ABCA4: variants seen among roughly 807,000 people sequenced by gnomAD.
ABCA4 encodes ATP binding cassette subfamily A member 4, also known as retinal-specific phospholipid-transporting ATPase ABCA4.
In ABCA4, 196 loss-of-function variants were observed where a neutral mutation model predicts 263.7. The observed-to-expected ratio is 0.74, with a 90% CI of 0.66 to 0.84. The LOEUF (loss-of-function observed/expected upper bound fraction) is 0.84. ABCA4 is among the 40% of genes least tolerant of loss of function. The pLI, the probability that ABCA4 is intolerant of heterozygous loss-of-function variation, is 0.00. For missense variants in ABCA4, 2,792 were observed against 2,855.1 expected (o/e 0.98, Z 0.50); for synonymous variants, 1,133 against 1,094.2 (o/e 1.04, Z -0.70).
chr1:94,030,923 G>A, intron 28 of ABCA4, 73 bp downstream of exon 28: 2 of 1,600,996 alleles, frequency 1.2e-6, no homozygotes, highest in African/African-American at 1.3e-5. Flanking sequence ...GGAAGGTCAG[G>A]GCCCTTCTAA....
Position 94,103,061 on chromosome 1 carries a change from TCAGA to T in ABCA4, c.520_523del (p.Ser174ThrfsTer7), listed in dbSNP as rs1662327245. The T allele has an allele frequency of 6.2e-7, 1 of 1,613,960 alleles. No homozygotes were observed. Among genetic ancestry groups the T allele is most frequent in the South Asian group, 1.1e-5 (1 of 91,074 alleles). Reference sequence around the variant, plus strand: ...GTTGATCAGAAGGTAGACCACTGAGTCAGACAGGCCGATGTTTTTAATGAGAAAT... The same window carrying T: ...GTTGATCAGAAGGTAGACCACTGAGTCAGGCCGATGTTTTTAATGAGAAAT... On this transcript the variant is annotated frameshift_variant, in exon 5 of 50. Transcript: ENST00000370225. LOFTEE classifies it high-confidence loss of function.
rs191796064 is a variant in ABCA4 at position 94,098,323 on chromosome 1, G to A, written c.768+471C>T. 2.6e-3 allele frequency among the ~76,000 whole-genome samples: 402 copies of A among 152,268 alleles called. 4 individuals carry two copies. Among genetic ancestry groups the A allele is most frequent in the African/African-American group, 9.3e-3 (385 of 41,548 alleles). On this transcript the variant is annotated intron_variant, in intron 6 of 49. Transcript: ENST00000370225. ...CCATTTCCAGAGGAAGAAGCATGGG[G>A]CCATCATTTATTAAAATTTATGAAA...
chr1:94,109,120 T>C (rs183598649), intron 3 of ABCA4, among the ~76,000 whole-genome samples: 485 of 152,356 alleles, frequency 3.2e-3, no homozygotes, highest in Non-Finnish European at 5.1e-3. Flanking sequence ...AGCTACTACA[T>C]TGAGTATCCT....
In ABCA4 at chr1:94,046,436, T is replaced by A. The variant is rs564648478; in HGVS notation, c.2918+483A>T. Among the ~76,000 whole-genome samples the A allele has an allele frequency of 9.9e-4, 43 of 43,414 alleles. 4 individuals are homozygous for A. Among genetic ancestry groups the A allele is most frequent in the South Asian group, 6.7e-3 (9 of 1,352 alleles). 28.5% of individuals were successfully genotyped at this position (43,414 alleles called of 152,430 possible). On this transcript the variant is annotated intron_variant, in intron 19 of 49. Transcript: ENST00000370225. ...AAGATCGCACCACTGCCCTCCAGCATGGGTAATGGTTACTATCTCAAAAAA... is the reference window on the plus strand; with the variant it reads ...AAGATCGCACCACTGCCCTCCAGCAAGGGTAATGGTTACTATCTCAAAAAA...
chr1:94,000,877 G>A lies in ABCA4; in HGVS notation c.6438C>T (p.Gly2146=), dbSNP rs755121378. The part of the protein sequence containing the change: ...LCTRLAIMVK[G]AFRCMGTIQH... ...GAATGGTGCCCATACATCGAAAGGC[G>A]CCCTTTACCATGATGGCCAGCCGGG... Residue 2146 remains glycine (G), a synonymous_variant, in exon 47 of 50, where the codon GGC becomes GGT. Coordinates refer to ENST00000370225, the MANE Select transcript of ABCA4 (RefSeq NM_000350.3). The A allele has an allele frequency of 1.2e-5, 19 of 1,614,080 alleles. No homozygotes were observed. The African/African-American group carries it at 1.5e-4, about 12-fold the overall frequency.
chr1:94,078,644 T>C lies in ABCA4; in HGVS notation c.1302A>G (p.Val434=), dbSNP rs1661602435. 2.8e-6 allele frequency: 4 copies of C among 1,406,222 alleles called. No individual in the cohort carries two copies. The highest frequency in any genetic ancestry group is 3.8e-6 in the Non-Finnish European group (4 of 1,055,812). The allele number at this position is 1,406,222 out of a possible 1,614,324, so 87.1% of individuals were successfully genotyped here. A position where few individuals can be genotyped will look rare whatever the true frequency, so the allele number is the denominator to read the frequency against. Residue 434 remains valine, a synonymous_variant, in exon 10 of 50, where the codon GTA becomes GTG. Transcript: ENST00000370225. ...VRKLVKAWEE[V]GPQIWYFFDN... is the part of the protein sequence containing the mutation. Reference sequence around the variant, plus strand: ...CAAAGAAGTACCAGATCTGGGGCCCTACTTCTTCCCAGGCTTTGACCAACT... The same window carrying C: ...CAAAGAAGTACCAGATCTGGGGCCCCACTTCTTCCCAGGCTTTGACCAACT...
Position 94,103,207 on chromosome 1 carries a change from C to T in ABCA4, c.443-65G>A, listed in dbSNP as rs534918436. The T allele has an allele frequency of 3.8e-6, 6 of 1,586,060 alleles. No homozygotes were observed. In the African/African-American group the frequency reaches 8.1e-5, roughly 21 times the overall value. Reference sequence around the variant, plus strand: ...AAATGGGTCAAAAAAAGGAAAACAGCCAGAGTCGATTGGAAACACTTGTAA... The same window carrying T: ...AAATGGGTCAAAAAAAGGAAAACAGTCAGAGTCGATTGGAAACACTTGTAA... On this transcript the variant is annotated intron_variant, in intron 4 of 49. Coordinates refer to ENST00000370225, the MANE Select transcript of ABCA4 (RefSeq NM_000350.3).
chr1:94,008,929 C>T, intron 40 of ABCA4, 58 bp from the exon 41 acceptor site: 2 of 1,600,418 alleles, frequency 1.2e-6, no homozygotes, highest in Non-Finnish European at 1.7e-6. Flanking sequence ...TGGCACTGTC[C>T]TTTCCATGGG....
Position 94,021,919 on chromosome 1 carries a change from G to C in ABCA4, c.4700C>G (p.Pro1567Arg), listed in dbSNP as rs752150372. Reference protein sequence around the residue: ...YGGISIGGKLPVVPITGEALV... With the variant: ...YGGISIGGKLRVVPITGEALV... ...TGCTTCCCCCGTGATGGGGACGACT[G>C]GGAGCTTTCCTCCAATGGAAATTCC... Residue 1567 changes from proline (P) to arginine (R), a missense_variant, in exon 33 of 50, where the codon CCA becomes CGA. By Grantham distance (103) the Pro-to-Arg change is moderately radical (BLOSUM62 -2). Transcript: ENST00000370225. 1 of 1,614,160 alleles carries C rather than the reference G, an allele frequency of 6.2e-7. No individual in the cohort carries two copies. The highest frequency in any genetic ancestry group is 1.1e-5 in the South Asian group (1 of 91,076).
intron 13 of ABCA4, among the ~76,000 whole-genome samples, chr1:94,062,154 A>AT (rs987181204): frequency 1.3e-5 from 2 of 152,158 alleles, no homozygotes; most frequent in African/African-American, 4.8e-5. Flanking sequence ...AAGGGGCTGC[A>AT]TTATTCCAGG....
At chr1:94,027,294 C>T (rs185097059) in intron 30 of ABCA4, among the ~76,000 whole-genome samples, 7 of 152,134 alleles carry the variant, frequency 4.6e-5, no homozygotes, top group Non-Finnish European at 7.3e-5. Flanking sequence ...CTGGACAGAC[C>T]GCGTGGAAGT....
intron 6 of ABCA4, among the ~76,000 whole-genome samples, chr1:94,086,814 A>G (rs958133037): frequency 2.0e-5 from 3 of 152,206 alleles, no homozygotes; most frequent in Non-Finnish European, 4.4e-5. Context: ...CCTGCCCCAA[A>G]TGGTGGCTTT....
intron 23 of ABCA4, 91 bp downstream of exon 23, chr1:94,041,118 G>C: frequency 7.6e-7 from 1 of 1,323,708 alleles, no homozygotes; most frequent in Non-Finnish European, 1.1e-6. Flanking sequence ...GGTGGCGAGA[G>C]CCTGTGTGAG....
intron 21 of ABCA4, 78 bp downstream of exon 21, chr1:94,043,258 G>T: frequency 1.2e-6 from 2 of 1,601,704 alleles, no homozygotes; most frequent in East Asian, 2.2e-5. Flanking sequence ...CCTGCTCCAA[G>T]CCTCCCCTGC....
intron 18 of ABCA4, among the ~76,000 whole-genome samples, chr1:94,048,119 CTTTAGT>C (rs1660736908): frequency 6.6e-6 from 1 of 152,154 alleles, no homozygotes; most frequent in Non-Finnish European, 1.5e-5. Flanking sequence ...AGGTCTCTGG[CTTTAGT>C]TTTATGAAAT....
chr1:94,046,303 A>T (rs969861311), intron 19 of ABCA4, among the ~76,000 whole-genome samples: 3 of 120,864 alleles, frequency 2.5e-5, no homozygotes, highest in African/African-American at 5.8e-5. Flanking sequence ...AAAAAAAAAA[A>T]ATACAAAAAT....
At chr1:94,042,048 G>A (rs1357529964) in intron 22 of ABCA4, among the ~76,000 whole-genome samples, 2 of 145,140 alleles carry the variant, frequency 1.4e-5, no homozygotes, top group African/African-American at 5.1e-5. Context: ...GCAGTGAGTG[G>A]AGATTGCGCC....
At chr1:94,070,753 G>T (rs369868469) in intron 11 of ABCA4, among the ~76,000 whole-genome samples, 20 of 152,154 alleles carry the variant, frequency 1.3e-4, no homozygotes, top group African/African-American at 4.8e-4. Flanking sequence ...GCAGTCGAGT[G>T]GGGGAAGGAT....
intron 43 of ABCA4, 27 bp from the exon 44 acceptor site, chr1:94,005,609 T>C: frequency 6.2e-7 from 1 of 1,611,160 alleles, no homozygotes; most frequent in Non-Finnish European, 8.5e-7. Flanking sequence ...AATTACTGAG[T>C]ATCCTTCAAG....
Sources: gnomAD v4.1 joint callset for allele counts (sites outside exome capture counted in the v4.1 genomes callset) on GRCh38, gnomAD v4.1.1 for gene constraint, MANE v1.5 for transcripts, NCBI Gene and HGNC (gene_info 2026-07-23, HGNC 2026-07-21) for gene names.